NRG3: variants seen among roughly 807,000 people sequenced by gnomAD.
NRG3 encodes neuregulin 3.
NRG3 carries 31 observed loss-of-function variants against 66.9 expected under a neutral mutation model. The ratio of observed to expected loss-of-function variants is 0.46; its 90% CI spans 0.35 to 0.63. The LOEUF (loss-of-function observed/expected upper bound fraction) is 0.63. Ranked by LOEUF, NRG3 falls within the 20% of genes least tolerant of loss-of-function variation. NRG3 has a pLI of 0.00. For missense variants in NRG3, 910 were observed against 878.9 expected (o/e 1.04, Z -0.45); for synonymous variants, 393 against 359.4 (o/e 1.09, Z -1.06).
At chr10:82,821,602 G>T (rs752689480) in intron 3 of NRG3, among the ~76,000 whole-genome samples, 11 of 151,910 alleles carry the variant, frequency 7.2e-5, no homozygotes, top group Non-Finnish European at 1.3e-4. Context: ...AGCATAATAA[G>T]TGACATTTAT....
chr10:82,303,709 A>G (rs566014003), intron 1 of NRG3, among the ~76,000 whole-genome samples: 1 of 152,020 alleles, frequency 6.6e-6, no homozygotes, highest in South Asian at 2.1e-4. Flanking sequence ...CTGTACTAAA[A>G]ATACAAAAAT....
intron 4 of NRG3, among the ~76,000 whole-genome samples, chr10:82,879,343 C>T (rs1225612547): frequency 6.6e-6 from 1 of 152,024 alleles, no homozygotes; most frequent in Admixed American, 6.6e-5. Context: ...ATAAGCAAAC[C>T]CACCCATGAA....
intron 2 of NRG3, among the ~76,000 whole-genome samples, chr10:82,608,583 G>T (rs189022905): frequency 3.3e-3 from 508 of 152,244 alleles, no homozygotes; most frequent in Non-Finnish European, 5.0e-3. Context: ...GAAAAGTTAG[G>T]TTTATAACCC....
At chr10:82,162,319 A>G (rs963720128) in intron 1 of NRG3, among the ~76,000 whole-genome samples, 2 of 152,126 alleles carry the variant, frequency 1.3e-5, no homozygotes, top group Admixed American at 1.3e-4. Flanking sequence ...ATCACTCCAC[A>G]AAATCACTGA....
chr10:82,979,802 C>T (rs537383892), intron 8 of NRG3, among the ~76,000 whole-genome samples: 17 of 152,270 alleles, frequency 1.1e-4, no homozygotes, highest in African/African-American at 2.6e-4. Flanking sequence ...ACTAAACATG[C>T]GATCCTTGCT....
chr10:82,892,691 A>C (rs111324009), intron 4 of NRG3, among the ~76,000 whole-genome samples: 1 of 145,412 alleles, frequency 6.9e-6, no homozygotes. Context: ...AAATAAATAA[A>C]TAAATAAATA....
intron 1 of NRG3, among the ~76,000 whole-genome samples, chr10:82,128,835 A>G (rs1747790285): frequency 6.6e-6 from 1 of 152,040 alleles, no homozygotes; most frequent in South Asian, 2.1e-4. Flanking sequence ...TAGGGACTGG[A>G]ACATTTCAGC....
chr10:82,022,452 G>T (rs1330838217), intron 1 of NRG3, among the ~76,000 whole-genome samples: 1 of 152,046 alleles, frequency 6.6e-6, no homozygotes, highest in Admixed American at 6.6e-5. Flanking sequence ...CATCCAAAAA[G>T]TCTGCATTAT....
chr10:82,811,194 A>G (rs1478315469), intron 3 of NRG3, among the ~76,000 whole-genome samples: 1 of 152,198 alleles, frequency 6.6e-6, no homozygotes, highest in East Asian at 1.9e-4. Flanking sequence ...ATTGCTTCAT[A>G]TGACTTATAA....
chr10:82,681,806 A>G (rs1015352373), intron 2 of NRG3, among the ~76,000 whole-genome samples: 2 of 152,230 alleles, frequency 1.3e-5, no homozygotes, highest in Non-Finnish European at 2.9e-5. Context: ...TAATAGGCAC[A>G]ACATAAATAT....
chr10:82,933,659 C>T (rs11196539), intron 4 of NRG3, among the ~76,000 whole-genome samples: 10,693 of 152,096 alleles, frequency 0.07, 560 homozygotes, highest in Non-Finnish European at 0.1. Context: ...TAGATGGTAA[C>T]GTTATGCTAA....
At chr10:82,271,338 G>C (rs2078583995) in intron 1 of NRG3, among the ~76,000 whole-genome samples, 1 of 151,918 alleles carries the variant, frequency 6.6e-6, no homozygotes, top group Non-Finnish European at 1.5e-5. Context: ...AACTTTTTTT[G>C]AGCTTCAACA....
chr10:82,684,329 A>G (rs1168258617), intron 2 of NRG3, among the ~76,000 whole-genome samples: 1 of 152,194 alleles, frequency 6.6e-6, no homozygotes, highest in Admixed American at 6.5e-5. Flanking sequence ...TTCCAAACTA[A>G]GGCCATTTAA....
chr10:82,713,421 G>T (rs2056793876), intron 2 of NRG3, among the ~76,000 whole-genome samples: 1 of 152,120 alleles, frequency 6.6e-6, no homozygotes. Context: ...TATGGTTAAA[G>T]GTAGACCTTG....
intron 1 of NRG3, among the ~76,000 whole-genome samples, chr10:82,231,236 G>A (rs556603351): frequency 1.1e-4 from 17 of 152,156 alleles, no homozygotes; most frequent in African/African-American, 1.7e-4. Flanking sequence ...CCATCTGTTC[G>A]GGAGGCTGAG....
chr10:82,009,874 C>T (rs1472429466), intron 1 of NRG3, among the ~76,000 whole-genome samples: 3 of 152,138 alleles, frequency 2.0e-5, no homozygotes, highest in Non-Finnish European at 4.4e-5. Flanking sequence ...AGAGACACAG[C>T]GCAGTATAGA....
intron 4 of NRG3, among the ~76,000 whole-genome samples, chr10:82,887,729 T>C (rs1355136509): frequency 6.6e-6 from 1 of 152,210 alleles, no homozygotes; most frequent in East Asian, 1.9e-4. Flanking sequence ...TCTATCTCCA[T>C]TAATCTTCTC....
At chr10:82,618,198 T>G (rs1167021731) in intron 2 of NRG3, among the ~76,000 whole-genome samples, 5 of 152,212 alleles carry the variant, frequency 3.3e-5, no homozygotes, top group Non-Finnish European at 1.5e-5. Flanking sequence ...TGCCTCTTTG[T>G]CATCATCATT....
At chr10:82,156,290 C>G (rs188294796) in intron 1 of NRG3, among the ~76,000 whole-genome samples, 2 of 150,906 alleles carry the variant, frequency 1.3e-5, no homozygotes, top group Admixed American at 1.3e-4. Flanking sequence ...TGTGTTCTGT[C>G]TGTCTTTGGA....
Sources: gnomAD v4.1 joint callset for allele counts (sites outside exome capture counted in the v4.1 genomes callset) on GRCh38, gnomAD v4.1.1 for gene constraint, MANE v1.5 for transcripts, NCBI Gene and HGNC (gene_info 2026-07-23, HGNC 2026-07-21) for gene names.